Variants in MARCHF11 observed in about 807,000 individuals in gnomAD.
MARCHF11 encodes the protein E3 ubiquitin-protein ligase MARCHF11.
A neutral mutation model predicts 37.3 loss-of-function variants in MARCHF11; 29 were observed. The ratio of observed to expected loss-of-function variants is 0.78; its 90% CI spans 0.58 to 1.06. The LOEUF (loss-of-function observed/expected upper bound fraction) is 1.06, where lower values mean the gene tolerates loss of function less well. Ranked by LOEUF, MARCHF11 falls within the 50% of genes least tolerant of loss-of-function variation. MARCHF11 has a pLI of 0.00. For missense variants in MARCHF11, 482 were observed against 533.4 expected (o/e 0.90, Z 0.95); for synonymous variants, 233 against 228.0 (o/e 1.02, Z -0.20).
chr5:16,106,499 G>A (rs961361832), intron 2 of MARCHF11, among the ~76,000 whole-genome samples: 4 of 152,204 alleles, frequency 2.6e-5, no homozygotes, highest in Non-Finnish European at 5.9e-5. Context: ...CAGAACACAA[G>A]ACACATTGGG....
chr5:16,153,545 A>T (rs1737921866), intron 2 of MARCHF11, among the ~76,000 whole-genome samples: 1 of 152,008 alleles, frequency 6.6e-6, no homozygotes, highest in African/African-American at 2.4e-5. Flanking sequence ...GTGGAATTCT[A>T]ATTATTTTAA....
intron 3 of MARCHF11, among the ~76,000 whole-genome samples, chr5:16,071,604 G>A (rs1392411522): frequency 6.6e-6 from 1 of 152,078 alleles, no homozygotes; most frequent in Admixed American, 6.6e-5. Context: ...GGCTATCCAG[G>A]TACATATGGT....
chr5:16,155,290 T>C (rs985611160), intron 2 of MARCHF11, among the ~76,000 whole-genome samples: 13 of 151,732 alleles, frequency 8.6e-5, no homozygotes, highest in African/African-American at 2.9e-4. Flanking sequence ...TTTTCAAACC[T>C]CTTAGAAGGT....
rs1300355029 is a variant in MARCHF11, at chr5:16,116,250, G to GTTA, written c.694-25170_694-25169insTAA. Among the ~76,000 whole-genome samples the GTTA allele has an allele frequency of 2.6e-5, 4 of 152,086 alleles. No homozygotes were observed. The East Asian group carries it at 7.7e-4, about 29-fold the overall frequency. Reference sequence around the variant, plus strand: ...CCGTCTGTCTGTCTAACTCTGTACAGGCACAAAATTGAATCAATTTCTGTG... The same window carrying GTTA: ...CCGTCTGTCTGTCTAACTCTGTACAGTTAGCACAAAATTGAATCAATTTCTGTG... On this transcript the variant is annotated intron_variant, in intron 2 of 3. Transcript: ENST00000332432.
chr5:16,129,319 GA>G (rs1314017597), intron 2 of MARCHF11: 1 of 152,158 alleles, frequency 6.6e-6, no homozygotes, highest in Non-Finnish European at 1.5e-5. Context: ...AGAATGGCTG[GA>G]AATGTTTTCT....
In MARCHF11 at chr5:16,177,842, G is replaced by T. The variant is rs1236833161; in HGVS notation, c.577C>A (p.Arg193=). The T allele has an allele frequency of 6.2e-7, 1 of 1,612,450 alleles. No homozygotes were observed. Among genetic ancestry groups the T allele is most frequent in the Non-Finnish European group, 8.5e-7 (1 of 1,179,216 alleles). ...AGCAGGCACAGCTGATGTGTATACC[G>T]AACTGACCCATCACATCGGCAGGGG... ...LNPCRCDGSV[R]YTHQLCLLKW... The change falls in exon 2 of 4, where the codon CGG becomes AGG. Residue 193 remains arginine (R), a synonymous_variant. Transcript: ENST00000332432.
intron 2 of MARCHF11, among the ~76,000 whole-genome samples, chr5:16,127,760 C>G (rs780402307): frequency 1.3e-5 from 2 of 152,118 alleles, no homozygotes; most frequent in Non-Finnish European, 2.9e-5. Flanking sequence ...AAGAGATGTG[C>G]CAAATACTCT....
At chr5:16,153,168 T>C (rs1737916515) in intron 2 of MARCHF11, among the ~76,000 whole-genome samples, 1 of 151,968 alleles carries the variant, frequency 6.6e-6, no homozygotes, top group African/African-American at 2.4e-5. Context: ...ACAGGTAATG[T>C]GACGTGATCA....
chr5:16,089,155 CT>C, intron 3 of MARCHF11, among the ~76,000 whole-genome samples: 1 of 151,728 alleles, frequency 6.6e-6, no homozygotes, highest in African/African-American at 2.4e-5. Flanking sequence ...AGTGTTTATA[CT>C]GAGGGCAAGA....
intron 2 of MARCHF11, among the ~76,000 whole-genome samples, chr5:16,161,191 C>G (rs1301876719): frequency 9.5e-6 from 1 of 104,814 alleles, no homozygotes; most frequent in Non-Finnish European, 1.8e-5. Flanking sequence ...CCCCCTCCCC[C>G]CACCCCAGAA....
intron 2 of MARCHF11, 84 bp downstream of exon 2, chr5:16,177,642 T>C: frequency 8.5e-7 from 1 of 1,172,390 alleles, no homozygotes; most frequent in Non-Finnish European, 1.1e-6. Flanking sequence ...GTAGCATAAG[T>C]AAATATCCTT....
intron 3 of MARCHF11, among the ~76,000 whole-genome samples, chr5:16,081,457 T>C (rs559864510): frequency 2.0e-5 from 3 of 152,232 alleles, no homozygotes; most frequent in African/African-American, 7.2e-5. Context: ...TTTTTAAAAA[T>C]GTATTCAACC....
chr5:16,131,031 C>G (rs7727113), intron 2 of MARCHF11, among the ~76,000 whole-genome samples: 1 of 152,128 alleles, frequency 6.6e-6, no homozygotes, highest in Non-Finnish European at 1.5e-5. Flanking sequence ...TGAAAGCCAG[C>G]AGTACCTTGA....
intron 3 of MARCHF11, among the ~76,000 whole-genome samples, chr5:16,086,276 A>T (rs1277004128): frequency 1.3e-5 from 2 of 152,184 alleles, no homozygotes; most frequent in African/African-American, 4.8e-5. Flanking sequence ...CTAATGAAAA[A>T]ATCTGGATGA....
chr5:16,176,452 A>G (rs1738366181), intron 2 of MARCHF11, among the ~76,000 whole-genome samples: 1 of 152,192 alleles, frequency 6.6e-6, no homozygotes, highest in Admixed American at 6.5e-5. Context: ...GTTCAATCAG[A>G]GGTTCTTGGA....
At chr5:16,068,610 A>C (rs549773394) in intron 3 of MARCHF11, among the ~76,000 whole-genome samples, 1 of 152,364 alleles carries the variant, frequency 6.6e-6, no homozygotes, top group African/African-American at 2.4e-5. Context: ...AAAGTAATAC[A>C]GCAAACTTGG....
chr5:16,132,163 T>C (rs1239725651), intron 2 of MARCHF11, among the ~76,000 whole-genome samples: 1 of 152,218 alleles, frequency 6.6e-6, no homozygotes, highest in Admixed American at 6.5e-5. Flanking sequence ...TTTACTGCCA[T>C]GTTCAGAGCC....
chr5:16,179,159 G>A lies in MARCHF11; in HGVS notation c.417C>T (p.Pro139=), dbSNP rs538630398. The A allele has an allele frequency of 1.6e-4, 224 of 1,437,724 alleles. No individual in the cohort carries two copies. In the Middle Eastern group the frequency reaches 1.7e-3, roughly 11 times the overall value. 89.1% of individuals were successfully genotyped at this position (1,437,724 alleles called of 1,614,324 possible). ...GGCTGCTGCACACCGAGCGCGTCTCGGGCTGGTCTCCGGCGCCCCGCCGCT... is the reference window on the plus strand; with the variant it reads ...GGCTGCTGCACACCGAGCGCGTCTCAGGCTGGTCTCCGGCGCCCCGCCGCT... ...ERERRGAGDQ[P]ETRSVCSSRS... The change falls in exon 1 of 4, where the codon CCC becomes CCT. Residue 139 remains proline, a synonymous_variant. Coordinates refer to ENST00000332432, the MANE Select transcript of MARCHF11 (RefSeq NM_001102562.3).
chr5:16,076,817 C>A (rs567316575), intron 3 of MARCHF11, among the ~76,000 whole-genome samples: 101 of 152,226 alleles, frequency 6.6e-4, no homozygotes, highest in Non-Finnish European at 1.1e-3. Context: ...TGCTCTGCAA[C>A]AACTCAGACA....
Sources: gnomAD v4.1 joint callset for allele counts (sites outside exome capture counted in the v4.1 genomes callset) on GRCh38, gnomAD v4.1.1 for gene constraint, MANE v1.5 for transcripts, NCBI Gene and HGNC (gene_info 2026-07-23, HGNC 2026-07-21) for gene names.